COLEC10: variants seen among roughly 807,000 people sequenced by gnomAD.
COLEC10 encodes the protein collectin subfamily member 10.
Under a neutral mutation model 28.4 loss-of-function variants are expected in COLEC10, and 22 were observed. The observed-to-expected ratio is 0.78, with a 90% CI of 0.55 to 1.11. The LOEUF is 1.11. Ranked by LOEUF, COLEC10 falls within the 50% of genes least tolerant of loss-of-function variation. The pLI is 0.00. For missense variants in COLEC10, 361 were observed against 344.1 expected (o/e 1.05, Z -0.39); for synonymous variants, 125 against 116.1 (o/e 1.08, Z -0.49).
upstream of COLEC10, among the ~76,000 whole-genome samples, chr8:119,065,914 C>G (rs1416548319): frequency 1.3e-5 from 2 of 151,874 alleles, no homozygotes; most frequent in Admixed American, 1.3e-4. Context: ...CCTGAATCAT[C>G]CTGAAAGTAT....
chr8:119,063,681 G>C (rs1025122595), upstream of COLEC10, among the ~76,000 whole-genome samples: 2 of 142,230 alleles, frequency 1.4e-5, no homozygotes, highest in Non-Finnish European at 3.0e-5. Context: ...CAAGTTCCTG[G>C]GTTAGATGTG....
chr8:118,985,888 G>C, the COLEC10 span, among the ~76,000 whole-genome samples: 6 of 152,024 alleles, frequency 3.9e-5, no homozygotes, highest in Non-Finnish European at 7.3e-5. Context: ...GGTTTGACTA[G>C]AGACCTATAG....
At chr8:118,960,351 T>C in the COLEC10 span, among the ~76,000 whole-genome samples, 48 of 152,204 alleles carry the variant, frequency 3.2e-4, no homozygotes, top group Non-Finnish European at 5.6e-4. Context: ...TTATTGAGCA[T>C]GATCAGACCT....
intron 1 of COLEC10, among the ~76,000 whole-genome samples, chr8:119,075,150 G>T (rs1172144181): frequency 6.6e-6 from 1 of 152,178 alleles, no homozygotes; most frequent in African/African-American, 2.4e-5. Flanking sequence ...TACTGGCCTT[G>T]GGTCATTGAT....
rs189976051 is a variant in COLEC10, at chr8:119,013,117, C to A, written n.235+3564C>A. Among the ~76,000 whole-genome samples, 13 of 150,352 alleles carry A rather than the reference C, an allele frequency of 8.6e-5. 1 individual carries two copies. The highest frequency in any genetic ancestry group is 3.0e-4 in the African/African-American group (12 of 40,254). ...TCAATACTATTATTTTCCTTCTAAGCACTGCTTTTGTGGCATTCCATGAAT... is the reference window on the plus strand; with the variant it reads ...TCAATACTATTATTTTCCTTCTAAGAACTGCTTTTGTGGCATTCCATGAAT... On this transcript the variant is annotated intron_variant and non_coding_transcript_variant, in intron 2 of 6. Coordinates refer to the COLEC10 transcript ENST00000521788.
At chr8:118,967,247 G>T in the COLEC10 span, among the ~76,000 whole-genome samples, 5 of 152,106 alleles carry the variant, frequency 3.3e-5, no homozygotes, top group African/African-American at 1.2e-4. Flanking sequence ...TACAAGTCTG[G>T]TTCAGAACCA....
chr8:119,048,203 G>GATCA (rs1814616816), intron 2 of COLEC10, among the ~76,000 whole-genome samples: 1 of 152,160 alleles, frequency 6.6e-6, no homozygotes, highest in Admixed American at 6.5e-5. Flanking sequence ...GTCTGTGCCT[G>GATCA]ATCAATGTTT....
chr8:119,053,019 G>A (rs571551220), intron 2 of COLEC10, among the ~76,000 whole-genome samples: 1 of 152,206 alleles, frequency 6.6e-6, no homozygotes, highest in Admixed American at 6.5e-5. Context: ...ACGGCAAAGA[G>A]GAAATTCCTA....
At chr8:119,089,352 T>G (rs1394882512) in intron 1 of COLEC10, among the ~76,000 whole-genome samples, 1 of 152,076 alleles carries the variant, frequency 6.6e-6, no homozygotes, top group Non-Finnish European at 1.5e-5. Flanking sequence ...TGTGTGTTTG[T>G]GTAAATTTTA....
chr8:118,980,961 AT>A, the COLEC10 span, among the ~76,000 whole-genome samples: 10,258 of 151,552 alleles, frequency 0.068, 605 homozygotes, highest in East Asian at 0.17. Flanking sequence ...GACCCTGAGC[AT>A]TTTTTTGTCT....
rs1016815323 is a variant in COLEC10 at position 119,108,343 on chromosome 8, A to G, written c.*2152A>G. Among the ~76,000 whole-genome samples, 2 of 152,182 alleles carry G rather than the reference A, an allele frequency of 1.3e-5. No individual in the cohort carries two copies. Among genetic ancestry groups the G allele is most frequent in the Non-Finnish European group, 2.9e-5 (2 of 68,034 alleles). ...TGTTGCCTACGGGCAACTTCATGTTAAGGATCCATGTTCTGATTTGTTCTA... is the reference window on the plus strand; with the variant it reads ...TGTTGCCTACGGGCAACTTCATGTTGAGGATCCATGTTCTGATTTGTTCTA... On this transcript the variant is annotated 3_prime_UTR_variant, in exon 6 of 6. Transcript: ENST00000332843.
At chr8:119,085,971 C>T (rs1483328470) in intron 1 of COLEC10, among the ~76,000 whole-genome samples, 2 of 152,012 alleles carry the variant, frequency 1.3e-5, no homozygotes, top group East Asian at 1.9e-4. Context: ...CAACAACTCC[C>T]CAGTCTATAA....
intron 3 of COLEC10, among the ~76,000 whole-genome samples, chr8:119,099,052 T>C (rs567269950): frequency 1.3e-5 from 2 of 152,206 alleles, no homozygotes; most frequent in South Asian, 2.1e-4. Context: ...TGATTTAGTA[T>C]AGGTAAATTC....
the COLEC10 span, among the ~76,000 whole-genome samples, chr8:118,954,067 T>A: frequency 2.0e-5 from 3 of 152,366 alleles, no homozygotes; most frequent in African/African-American, 7.2e-5. Context: ...CAAATCTAGA[T>A]TGTAAGCTCC....
At chr8:119,046,646 C>A (rs536517159) in intron 2 of COLEC10, among the ~76,000 whole-genome samples, 1 of 152,160 alleles carries the variant, frequency 6.6e-6, no homozygotes, top group Admixed American at 6.5e-5. Flanking sequence ...TTTCACTCCA[C>A]ACATTTAATC....
Position 119,107,502 on chromosome 8 carries a change from G to A in COLEC10, c.*1311G>A, listed in dbSNP as rs187244439. 8.6e-4 allele frequency among the ~76,000 whole-genome samples: 131 copies of A among 152,244 alleles called. No individual in the cohort carries two copies. Among genetic ancestry groups the A allele is most frequent in the Admixed American group, 5.9e-3 (90 of 15,278 alleles). ...TATGATTAGACTGTTTCAAATGCTG[G>A]CAAAATGGTTAATGAAGTAAGAGAA... On this transcript the variant is annotated 3_prime_UTR_variant, in exon 6 of 6. Transcript: ENST00000332843.
chr8:119,098,103 G>A (rs904399464), intron 3 of COLEC10, among the ~76,000 whole-genome samples: 5 of 151,850 alleles, frequency 3.3e-5, no homozygotes, highest in African/African-American at 1.2e-4. Context: ...CTATATTTTT[G>A]AGAGCAGTGA....
chr8:119,102,214 CCCT>C, intron 3 of COLEC10, 131 bp from the exon 4 acceptor site: 3 of 1,598 alleles, frequency 1.9e-3, no homozygotes, highest in Non-Finnish European at 1.2e-3. Context: ...ACTCCTTCCT[CCCT>C]CCCTCCCTCC....
At chr8:118,984,030 T>A in the COLEC10 span, among the ~76,000 whole-genome samples, 1 of 147,916 alleles carries the variant, frequency 6.8e-6, no homozygotes, top group Non-Finnish European at 1.5e-5. Flanking sequence ...AAGACATGCA[T>A]AATGTATTAA....
Sources: gnomAD v4.1 joint callset for allele counts (sites outside exome capture counted in the v4.1 genomes callset) on GRCh38, gnomAD v4.1.1 for gene constraint, MANE v1.5 for transcripts, NCBI Gene and HGNC (gene_info 2026-07-23, HGNC 2026-07-21) for gene names.